RNF216: variants seen among roughly 807,000 people sequenced by gnomAD.
RNF216 encodes the protein E3 ubiquitin-protein ligase RNF216.
Under a neutral mutation model 110.8 loss-of-function variants are expected in RNF216, and 72 were observed. That is an observed-to-expected ratio of 0.65 (90% confidence interval 0.54 to 0.79). The LOEUF (loss-of-function observed/expected upper bound fraction) is 0.79. Ranked by LOEUF, RNF216 falls within the 30% of genes least tolerant of loss-of-function variation. The pLI, the probability that RNF216 is intolerant of heterozygous loss-of-function variation, is 0.00. For synonymous variants in RNF216, 495 were observed against 407.5 expected (o/e 1.21, Z -2.59); for missense variants, 1,342 against 1,141.2 (o/e 1.18, Z -2.54).
At chr7:5,743,686 A>T (rs1363453216) in intron 3 of RNF216, among the ~76,000 whole-genome samples, 4 of 152,250 alleles carry the variant, frequency 2.6e-5, no homozygotes, top group Non-Finnish European at 4.4e-5. Flanking sequence ...ACAAATTCAA[A>T]GAAAAGACCT....
intron 13 of RNF216, among the ~76,000 whole-genome samples, chr7:5,684,375 G>A (rs1320900197): frequency 1.3e-5 from 2 of 152,124 alleles, no homozygotes; most frequent in Non-Finnish European, 2.9e-5. Context: ...CCAAAGTCCT[G>A]GGATTACAGG....
intron 13 of RNF216, among the ~76,000 whole-genome samples, chr7:5,664,705 T>C (rs1789391865): frequency 6.6e-6 from 1 of 152,142 alleles, no homozygotes. Flanking sequence ...GCTGCACGCT[T>C]CCCCCACTGG....
chr7:5,716,829 G>A, intron 9 of RNF216, 63 bp from the exon 10 acceptor site: 2 of 1,275,508 alleles, frequency 1.6e-6, no homozygotes, highest in Non-Finnish European at 2.3e-6. Flanking sequence ...TAACCATTTA[G>A]TATTTATTTC....
rs180886348 is a variant in RNF216, at chr7:5,622,706, G to C, written c.*154C>G. 2.8e-6 allele frequency: 2 copies of C among 726,840 alleles called. No individual in the cohort carries two copies. The highest frequency in any genetic ancestry group is 4.6e-6 in the Non-Finnish European group (2 of 438,328). The allele number at this position is 726,840 out of a possible 1,614,324, so 45.0% of individuals were successfully genotyped here. A position where few individuals can be genotyped will look rare whatever the true frequency, so the allele number is the denominator to read the frequency against. ...GGATCCGTCCACTCTTCCAGGAGCA[G>C]TAGCCCTTCTAGGAAAGGGGTGGGA... is the stretch of plus-strand genomic sequence containing the variant. On this transcript the variant is annotated 3_prime_UTR_variant, in exon 17 of 17. Transcript: ENST00000389902.
At chr7:5,729,949 C>A (rs1332234095) in intron 6 of RNF216, among the ~76,000 whole-genome samples, 1 of 152,164 alleles carries the variant, frequency 6.6e-6, no homozygotes, top group Non-Finnish European at 1.5e-5. Context: ...GATCAAGCAA[C>A]AGATCTTAAT....
intron 13 of RNF216, among the ~76,000 whole-genome samples, chr7:5,689,658 T>TA (rs1420293139): frequency 6.6e-6 from 1 of 152,084 alleles, no homozygotes; most frequent in Non-Finnish European, 1.5e-5. Context: ...CAGAGTTTAA[T>TA]AAATAGTACA....
intron 13 of RNF216, among the ~76,000 whole-genome samples, chr7:5,661,962 A>T (rs1789175426): frequency 6.6e-6 from 1 of 152,226 alleles, no homozygotes; most frequent in Non-Finnish European, 1.5e-5. Context: ...TTGCTAGCGA[A>T]AGCAGGTCAC....
At chr7:5,735,931 A>C (rs529564906) in intron 5 of RNF216, among the ~76,000 whole-genome samples, 70 of 152,264 alleles carry the variant, frequency 4.6e-4, no homozygotes, top group African/African-American at 1.5e-3. Flanking sequence ...TGTCTCTACT[A>C]AAAACACAAA....
intron 14 of RNF216, among the ~76,000 whole-genome samples, chr7:5,643,096 T>C (rs553533771): frequency 5.9e-5 from 9 of 152,258 alleles, no homozygotes; most frequent in African/African-American, 1.4e-4. Context: ...AAGGCTCTCC[T>C]AAAATGGACA....
intron 13 of RNF216, among the ~76,000 whole-genome samples, chr7:5,710,862 G>A (rs1792636895): frequency 6.6e-6 from 1 of 152,184 alleles, no homozygotes; most frequent in Non-Finnish European, 1.5e-5. Flanking sequence ...CTAGCACTCT[G>A]CTTTCTTAAG....
intron 3 of RNF216, among the ~76,000 whole-genome samples, chr7:5,742,204 G>A (rs973090120): frequency 2.6e-5 from 4 of 151,940 alleles, no homozygotes; most frequent in African/African-American, 9.7e-5. Context: ...GTGCCAACAT[G>A]TCCAGCTAAT....
At chr7:5,715,866 C>A (rs944642039) in intron 10 of RNF216, among the ~76,000 whole-genome samples, 1 of 150,902 alleles carries the variant, frequency 6.6e-6, no homozygotes, top group African/African-American at 2.4e-5. Flanking sequence ...TTCAGCCTCC[C>A]GAGTAGTGGG....
At chr7:5,711,507 G>C (rs1254992890) in intron 13 of RNF216, among the ~76,000 whole-genome samples, 1 of 152,150 alleles carries the variant, frequency 6.6e-6, no homozygotes, top group African/African-American at 2.4e-5. Context: ...TTACATTATA[G>C]TATCTGTCCT....
At chr7:5,649,740 T>C (rs1788272300) in intron 14 of RNF216, 1 of 152,238 alleles carries the variant, frequency 6.6e-6, no homozygotes, top group African/African-American at 2.4e-5. Flanking sequence ...CTCATTTGGC[T>C]TGTACAGAAG....
chr7:5,701,706 C>T (rs1464401241), intron 13 of RNF216, among the ~76,000 whole-genome samples: 1 of 152,186 alleles, frequency 6.6e-6, no homozygotes, highest in Non-Finnish European at 1.5e-5. Flanking sequence ...AACCACTGAG[C>T]TATACCGTTT....
At chr7:5,686,351 C>T (rs1790986083) in intron 13 of RNF216, among the ~76,000 whole-genome samples, 1 of 152,070 alleles carries the variant, frequency 6.6e-6, no homozygotes, top group Non-Finnish European at 1.5e-5. Flanking sequence ...GTTGCGGCCT[C>T]ATTTGCTTCT....
chr7:5,769,229 T>C (rs552248863), intron 1 of RNF216, among the ~76,000 whole-genome samples: 1 of 151,702 alleles, frequency 6.6e-6, no homozygotes, highest in South Asian at 2.1e-4. Flanking sequence ...GTGATTCTCC[T>C]GCCTCAGCCT....
chr7:5,773,801 C>G (rs1057240806), intron 1 of RNF216, among the ~76,000 whole-genome samples: 3 of 152,140 alleles, frequency 2.0e-5, no homozygotes, highest in African/African-American at 7.2e-5. Context: ...CTCCTGACTT[C>G]AGTGATCTGC....
At chr7:5,772,055 G>GA (rs1194567356) in intron 1 of RNF216, among the ~76,000 whole-genome samples, 1 of 152,162 alleles carries the variant, frequency 6.6e-6, no homozygotes, top group African/African-American at 2.4e-5. Flanking sequence ...CCAACATGGA[G>GA]AAACCCTGTC....
Sources: gnomAD v4.1 joint callset for allele counts (sites outside exome capture counted in the v4.1 genomes callset) on GRCh38, gnomAD v4.1.1 for gene constraint, MANE v1.5 for transcripts, NCBI Gene and HGNC (gene_info 2026-07-23, HGNC 2026-07-21) for gene names.